Variants in TLL1 observed in about 807,000 individuals in gnomAD.
TLL1 encodes tolloid-like protein 1.
A neutral mutation model predicts 128.2 loss-of-function variants in TLL1; 49 were observed. The observed-to-expected ratio is 0.38, with a 90% CI of 0.30 to 0.48. The LOEUF (loss-of-function observed/expected upper bound fraction) is 0.48, where lower values mean the gene tolerates loss of function less well. TLL1 is among the 20% of genes least tolerant of loss of function. TLL1 has a pLI of 0.96. For missense variants in TLL1, 1,123 were observed against 1,242.0 expected (o/e 0.90, Z 1.44); for synonymous variants, 454 against 418.8 (o/e 1.08, Z -1.03).
chr4:166,102,077 C>A lies in TLL1; in HGVS notation c.*1201C>A, dbSNP rs17590760. 0.013 allele frequency: 2,037 copies of A among 152,562 alleles called. 22 individuals carry two copies. The highest frequency in any genetic ancestry group is 0.021 in the Non-Finnish European group (1,398 of 67,954). The allele number at this position is 152,562 out of a possible 1,614,324, so 9.5% of individuals were successfully genotyped here. On this transcript the variant is annotated 3_prime_UTR_variant, in exon 21 of 21. Coordinates refer to ENST00000061240, the MANE Select transcript of TLL1 (RefSeq NM_012464.5). ...GCTGGTAGCATTTGAAGACTAAAGA[C>A]TTGTCAAATATATCAAGAGTATATC...
At chr4:165,955,329 G>A (rs1295255756) in intron 1 of TLL1, among the ~76,000 whole-genome samples, 1 of 152,064 alleles carries the variant, frequency 6.6e-6, no homozygotes, top group Non-Finnish European at 1.5e-5. Context: ...TGGCATTCCT[G>A]AGAGATAAGA....
chr4:166,057,417 T>C, intron 14 of TLL1, 108 bp downstream of exon 14: 1 of 1,476,806 alleles, frequency 6.8e-7, no homozygotes, highest in Non-Finnish European at 9.2e-7. Context: ...TATAGTGACC[T>C]CTTTCCTCAA....
intron 1 of TLL1, among the ~76,000 whole-genome samples, chr4:165,950,404 C>A (rs890234914): frequency 6.6e-6 from 1 of 152,058 alleles, no homozygotes; most frequent in African/African-American, 2.4e-5. Flanking sequence ...AAAACTTGAG[C>A]ATCATCATCA....
intron 19 of TLL1, 37 bp downstream of exon 19, chr4:166,091,378 G>A (rs1199673059): frequency 1.3e-6 from 2 of 1,581,474 alleles, no homozygotes; most frequent in Non-Finnish European, 1.7e-6. Context: ...TTTTTTGACT[G>A]AGATCCAGGT....
At chr4:165,921,896 G>A (rs552014189) in intron 1 of TLL1, among the ~76,000 whole-genome samples, 11 of 152,142 alleles carry the variant, frequency 7.2e-5, no homozygotes, top group Admixed American at 2.0e-4. Flanking sequence ...GAGCAGAAAC[G>A]TAGAAAAGTA....
At chr4:165,886,926 T>C (rs1001678224) in intron 1 of TLL1, among the ~76,000 whole-genome samples, 1 of 152,126 alleles carries the variant, frequency 6.6e-6, no homozygotes, top group Non-Finnish European at 1.5e-5. Flanking sequence ...ATTTTCTTCC[T>C]GGAGAAAAGA....
At chr4:165,960,774 A>G (rs748593780) in intron 1 of TLL1, among the ~76,000 whole-genome samples, 1 of 152,176 alleles carries the variant, frequency 6.6e-6, no homozygotes, top group Non-Finnish European at 1.5e-5. Flanking sequence ...TCAGGATAAA[A>G]ACCCTCAACA....
chr4:165,982,563 C>T (rs1736195920), intron 1 of TLL1, among the ~76,000 whole-genome samples: 1 of 151,440 alleles, frequency 6.6e-6, no homozygotes. Context: ...TTGATTTGTG[C>T]CAAAAGGGAA....
chr4:166,082,505 C>T (rs1206748939), intron 18 of TLL1, among the ~76,000 whole-genome samples: 1 of 152,040 alleles, frequency 6.6e-6, no homozygotes, highest in Non-Finnish European at 1.5e-5. Flanking sequence ...CGTATATCAG[C>T]CAATAGTCAT....
intron 1 of TLL1, among the ~76,000 whole-genome samples, chr4:165,948,091 A>G (rs115635964): frequency 1.4e-3 from 207 of 152,188 alleles, no homozygotes; most frequent in African/African-American, 4.9e-3. Context: ...TCCACAGAGG[A>G]GTTTTCCCAG....
At chr4:166,076,397 G>C (rs1187115230) in intron 17 of TLL1, among the ~76,000 whole-genome samples, 1 of 152,036 alleles carries the variant, frequency 6.6e-6, no homozygotes. Flanking sequence ...TTGTTTTGCA[G>C]ACATTGAAGG....
At chr4:166,064,856 G>C (rs981364987) in intron 15 of TLL1, among the ~76,000 whole-genome samples, 3 of 152,062 alleles carry the variant, frequency 2.0e-5, no homozygotes, top group Non-Finnish European at 4.4e-5. Context: ...CCAGTAATTT[G>C]AGTTGACATA....
intron 1 of TLL1, among the ~76,000 whole-genome samples, chr4:165,897,392 TAA>T (rs777100918): frequency 3.2e-4 from 48 of 152,330 alleles, no homozygotes; most frequent in Non-Finnish European, 6.0e-4. Context: ...CATGTTGAGT[TAA>T]GTTTTGTATA....
intron 1 of TLL1, among the ~76,000 whole-genome samples, chr4:165,963,732 G>A (rs1735233989): frequency 6.6e-6 from 1 of 152,160 alleles, no homozygotes. Flanking sequence ...AACACACTCT[G>A]TCTTCGCCTG....
intron 7 of TLL1, among the ~76,000 whole-genome samples, chr4:166,010,182 A>G (rs957993830): frequency 1.3e-5 from 2 of 151,464 alleles, no homozygotes; most frequent in Non-Finnish European, 3.0e-5. Context: ...ATAATATTCC[A>G]TTGTAAGTAT....
intron 8 of TLL1, among the ~76,000 whole-genome samples, chr4:166,021,787 A>G (rs910125030): frequency 8.5e-5 from 13 of 152,054 alleles, no homozygotes; most frequent in African/African-American, 3.1e-4. Flanking sequence ...TCTAGGTGTC[A>G]TCCTCTCTTT....
chr4:166,091,106 T>A lies in TLL1; in HGVS notation c.2443-22T>A, dbSNP rs890706955. 13 of 1,591,368 alleles carry A rather than the reference T, an allele frequency of 8.2e-6. No individual in the cohort carries two copies. In the East Asian group the frequency reaches 1.2e-4, roughly 14 times the overall value. ...AGTGATTTGTTTTTTTTTAAAAAAA[T>A]TATTTCTTCTTTTTAAAAAAGGCCT... On this transcript the variant is annotated intron_variant, in intron 18 of 20. Coordinates refer to ENST00000061240, the MANE Select transcript of TLL1 (RefSeq NM_012464.5).
At chr4:166,001,794 CA>C (rs11307532) in intron 5 of TLL1, among the ~76,000 whole-genome samples, 92,372 of 131,690 alleles carry the variant, frequency 0.7, 30,755 homozygotes, top group Admixed American at 0.77. Flanking sequence ...AACTCCATCT[CA>C]AAAAAAAAAA....
intron 1 of TLL1, among the ~76,000 whole-genome samples, chr4:165,980,856 A>G (rs1261251425): frequency 6.6e-6 from 1 of 152,118 alleles, no homozygotes; most frequent in African/African-American, 2.4e-5. Context: ...TAAGTTCAAT[A>G]CATTATAATG....
Sources: allele counts gnomAD v4.1 joint callset (sites outside exome capture counted in the v4.1 genomes callset), GRCh38; gene constraint gnomAD v4.1.1; transcripts MANE v1.5; gene names NCBI Gene and HGNC (gene_info 2026-07-23, HGNC 2026-07-21).